The following AMMECR1 variants were observed in gnomAD, a reference collection of about 807,000 sequenced individuals.
AMMECR1 encodes the protein AMMECR nuclear protein 1.
A neutral mutation model predicts 22.5 loss-of-function variants in AMMECR1; 3 were observed. That is an observed-to-expected ratio of 0.13 (90% CI 0.06 to 0.35). The LOEUF (loss-of-function observed/expected upper bound fraction) is 0.35. Among genes scored for constraint, AMMECR1 ranks in the 10% least tolerant of loss-of-function variants. AMMECR1 has a pLI of 1.00. For synonymous variants in AMMECR1, 130 were observed against 116.7 expected (o/e 1.11, Z -0.74); for missense variants, 235 against 278.7 (o/e 0.84, Z 1.12).
At chrX:110,300,036 T>C (rs1301426184) in intron 1 of AMMECR1, among the ~76,000 whole-genome samples, 1 of 112,471 alleles carries the variant, frequency 8.9e-6, no homozygotes, top group Admixed American at 9.4e-5. Context: ...TTTGGATATA[T>C]ACCCAGAAGT....
At chrX:110,220,597 A>AAAAAC (rs1291743522) in intron 2 of AMMECR1, among the ~76,000 whole-genome samples, 16 of 111,820 alleles carry the variant, frequency 1.4e-4, no homozygotes, top group African/African-American at 5.2e-4. Context: ...ATATTGCTAG[A>AAAAAC]AAAACAAAAC....
intron 1 of AMMECR1, among the ~76,000 whole-genome samples, chrX:110,291,462 G>A (rs755096884): frequency 1.8e-5 from 2 of 111,430 alleles, no homozygotes; most frequent in South Asian, 7.7e-4. Flanking sequence ...GAAGGCAGAG[G>A]TCGCAGTGAG....
chrX:110,240,588 T>C (rs1160747175), intron 2 of AMMECR1, among the ~76,000 whole-genome samples: 1 of 108,395 alleles, frequency 9.2e-6, no homozygotes, highest in African/African-American at 3.4e-5. Flanking sequence ...AGCAAGTCCT[T>C]AGAGACCTAC....
intron 2 of AMMECR1, among the ~76,000 whole-genome samples, chrX:110,374,817 G>T (rs1267823412): frequency 9.0e-6 from 1 of 110,743 alleles, no homozygotes; most frequent in Non-Finnish European, 1.9e-5. Context: ...ATATGTGGAG[G>T]GTGGGTGAGT....
intron 1 of AMMECR1, among the ~76,000 whole-genome samples, chrX:110,435,794 T>TTA (rs1256069046): frequency 1.8e-5 from 2 of 112,472 alleles, no homozygotes; most frequent in African/African-American, 6.5e-5. Flanking sequence ...TAAACCCTGT[T>TTA]TATATATATG....
At chrX:110,411,941 G>A (rs1167983047) in intron 2 of AMMECR1, among the ~76,000 whole-genome samples, 2 of 112,345 alleles carry the variant, frequency 1.8e-5, no homozygotes, top group East Asian at 5.5e-4. Context: ...TTGAAGGAAG[G>A]AATAAACGAG....
rs2068651943 is a variant in AMMECR1, at chrX:110,413,068, T to G, written c.-148+13590A>C. ...CCACAGCCCAAACGTTAAGCCTCCC[T>G]GCTCGTCATCTGTCCTCTCCCATAC... On this transcript the variant is annotated intron_variant, in intron 2 of 7. Transcript: ENST00000372057. Among the ~76,000 whole-genome samples the G allele has an allele frequency of 4.5e-5, 5 of 111,737 alleles. No homozygotes were observed. In the South Asian group the frequency reaches 1.5e-3, roughly 34 times the overall value.
At chrX:110,352,113 C>A (rs1364925436) in intron 2 of AMMECR1, among the ~76,000 whole-genome samples, 1 of 111,760 alleles carries the variant, frequency 8.9e-6, no homozygotes, top group African/African-American at 3.3e-5. Flanking sequence ...AAAATGGAAC[C>A]TAAAGGGAAT....
chrX:110,363,159 T>A (rs2068275570), intron 2 of AMMECR1, among the ~76,000 whole-genome samples: 1 of 111,947 alleles, frequency 8.9e-6, no homozygotes, highest in African/African-American at 3.3e-5. Context: ...GAGGTAACAC[T>A]AGTTGGGGCT....
chrX:110,260,170 G>A (rs1183558176), intron 2 of AMMECR1, among the ~76,000 whole-genome samples: 2 of 111,326 alleles, frequency 1.8e-5, no homozygotes, highest in Admixed American at 9.5e-5. Flanking sequence ...ATCCTGCTTC[G>A]TATTTTCTAT....
intron 2 of AMMECR1, among the ~76,000 whole-genome samples, chrX:110,345,002 T>C (rs1215376586): frequency 4.5e-5 from 5 of 111,902 alleles, no homozygotes; most frequent in African/African-American, 1.6e-4. Context: ...TGGGTATATA[T>C]CCAAAGGATT....
At chrX:110,286,873 G>A (rs901284356) in intron 1 of AMMECR1, among the ~76,000 whole-genome samples, 2 of 110,238 alleles carry the variant, frequency 1.8e-5, no homozygotes, top group South Asian at 3.9e-4. Flanking sequence ...GTCCTTTTGG[G>A]GTATCTGATT....
intron 2 of AMMECR1, among the ~76,000 whole-genome samples, chrX:110,234,120 T>A (rs2067586061): frequency 8.9e-6 from 1 of 112,253 alleles, no homozygotes; most frequent in Non-Finnish European, 1.9e-5. Flanking sequence ...GATAAGCAAC[T>A]TCAGCAAAGT....
chrX:110,377,992 G>A (rs889892749), intron 2 of AMMECR1, among the ~76,000 whole-genome samples: 1 of 82,131 alleles, frequency 1.2e-5, no homozygotes, highest in Non-Finnish European at 2.2e-5. Context: ...CTGGGCGACA[G>A]AGCGAGACTC....
At chrX:110,304,021 CTTGT>C (rs1234220945) in intron 1 of AMMECR1, among the ~76,000 whole-genome samples, 1 of 112,130 alleles carries the variant, frequency 8.9e-6, no homozygotes, top group East Asian at 2.8e-4. Flanking sequence ...GAGAATTTTG[CTTGT>C]TTTTTTCTTC....
intron 4 of AMMECR1, among the ~76,000 whole-genome samples, chrX:110,201,462 ATTG>A (rs2067396792): frequency 9.0e-6 from 1 of 111,716 alleles, no homozygotes; most frequent in Non-Finnish European, 1.9e-5. Context: ...CCTCACAGTA[ATTG>A]TTGTTCCTTA....
Position 110,195,967 on chromosome X carries a change from A to G in AMMECR1, c.*2553T>C, listed in dbSNP as rs992657647. ...GGAGACAAAACTATCCTTTTCCCCC[A>G]AGCCATGTTGGGAAATATTGCTGAC... is the stretch of plus-strand genomic sequence containing the variant. On this transcript the variant is annotated 3_prime_UTR_variant, in exon 6 of 6. Coordinates refer to ENST00000262844, the MANE Select transcript of AMMECR1 (RefSeq NM_015365.3). 66 of 111,778 alleles carry G rather than the reference A, an allele frequency of 5.9e-4. No individual in the cohort carries two copies. The highest frequency in any genetic ancestry group is 1.9e-3 in the African/African-American group (59 of 30,750). 9.2% of individuals were successfully genotyped at this position (111,778 alleles called of 1,213,427 possible). A position where few individuals can be genotyped will look rare whatever the true frequency, so the allele number is the denominator to read the frequency against.
chrX:110,235,938 G>A (rs1454275003), intron 2 of AMMECR1, among the ~76,000 whole-genome samples: 7 of 110,034 alleles, frequency 6.4e-5, no homozygotes, highest in East Asian at 2.8e-4. Context: ...TTGTGCAGAC[G>A]TACCCTAGAA....
intron 5 of AMMECR1, among the ~76,000 whole-genome samples, chrX:110,200,028 G>A (rs1232506778): frequency 4.5e-5 from 5 of 111,232 alleles, no homozygotes; most frequent in Admixed American, 1.9e-4. Context: ...CATATTCTCA[G>A]AACTTGCTTT....
Sources: gnomAD v4.1 joint callset for allele counts (sites outside exome capture counted in the v4.1 genomes callset) on GRCh38, gnomAD v4.1.1 for gene constraint, MANE v1.5 for transcripts, NCBI Gene and HGNC (gene_info 2026-07-23, HGNC 2026-07-21) for gene names.